The following NUDT17 variants were observed in gnomAD, a reference collection of about 807,000 sequenced individuals.
The protein encoded by NUDT17 is m7GpppN-mRNA hydrolase NUDT17.
Under a neutral mutation model 38.6 loss-of-function variants are expected in NUDT17, and 38 were observed. The ratio of observed to expected loss-of-function variants is 0.98; its 90% CI spans 0.76 to 1.29. The LOEUF (loss-of-function observed/expected upper bound fraction) is 1.29. Among genes scored for constraint, NUDT17 ranks in the 50% most tolerant of loss-of-function variants. NUDT17 has a pLI of 0.00. For synonymous variants in NUDT17, 192 were observed against 167.8 expected, an observed-to-expected ratio of 1.14 and a Z score of -1.11; for missense variants, 462 against 415.2, an observed-to-expected ratio of 1.11 and a Z score of -0.98.
At position 145,848,384 on chromosome 1, in the gene NUDT17, C is replaced by G. The variant is rs1652815862; in HGVS notation, c.892C>G (p.Pro298Ala). Residue 298 changes from proline to alanine, a missense_variant, in exon 8 of 8, where the codon CCA becomes GCA. Pro to Ala is a conservative substitution (Grantham distance 27, BLOSUM62 -1). Transcript: ENST00000334513. ...LWLQHLGRTP[P>A]PCKSAAYLDP... ...CTTGGAATTCCTCCACAGAACACCC[C>G]CACCGTGTAAAAGTGCAGCTTACCT... The G allele has an allele frequency of 3.1e-6, 5 of 1,612,820 alleles. No individual in the cohort carries two copies. Among genetic ancestry groups the G allele is most frequent in the African/African-American group, 1.3e-5 (1 of 74,858 alleles).
In NUDT17 at chr1:145,848,162, T is replaced by G; in HGVS notation, c.782T>G (p.Met261Arg). 2 of 1,614,202 alleles carry G rather than the reference T, an allele frequency of 1.2e-6. No homozygotes were observed. Among genetic ancestry groups the G allele is most frequent in the East Asian group, 4.5e-5 (2 of 44,890 alleles). ...DGRARPLVLH[M>R]STLLRMIPTM... is the part of the protein sequence containing the mutation. ...AGAGCCCGACCTCTGGTCCTGCACA[T>G]GTCCACCCTCCTGCGGATGATCCCA... Residue 261 changes from methionine (M) to arginine (R), a missense_variant, in exon 7 of 8, where the codon ATG becomes AGG. Coordinates refer to ENST00000334513, the MANE Select transcript of NUDT17 (RefSeq NM_001012758.3).
Position 145,848,231 on chromosome 1 carries a change from T to G in NUDT17, c.851T>G (p.Phe284Cys). 1 of 1,614,206 alleles carries G rather than the reference T, an allele frequency of 6.2e-7. No individual in the cohort carries two copies. Among genetic ancestry groups the G allele is most frequent in the Non-Finnish European group, 8.5e-7 (1 of 1,180,036 alleles). The change falls in exon 7 of 8, where the codon TTT (phenylalanine) becomes TGT (cysteine). Residue 284 changes from phenylalanine (F) to cysteine (C), a missense_variant. By Grantham distance (205) the Phe-to-Cys change is radical. Coordinates refer to ENST00000334513, the MANE Select transcript of NUDT17 (RefSeq NM_001012758.3). ...GAGAGAGTCAGCACTGGAACCAAGT[T>G]TGCCCTCAAGCTCTGGCTGCAACAT... ...DKERVSTGTKFALKLWLQHLG... is the reference protein window; with the variant it reads ...DKERVSTGTKCALKLWLQHLG...
rs1553732896 is a variant in NUDT17 at position 145,847,553 on chromosome 1, T to C, written c.595-30T>C. On this transcript the variant is annotated intron_variant, in intron 5 of 7. Coordinates refer to ENST00000334513, the MANE Select transcript of NUDT17 (RefSeq NM_001012758.3). ...GAACAGGCAGCCCAGGGAGAGGCAA[T>C]GACTGAGGGGTCACCATGTCTGACC... 5 of 1,610,434 alleles carry C rather than the reference T, an allele frequency of 3.1e-6. No individual in the cohort carries two copies. In the Admixed American group the frequency reaches 8.3e-5, roughly 27 times the overall value.
rs587710326 is a variant in NUDT17, at chr1:145,846,606, C to T, written c.411C>T (p.Asp137=). The T allele has an allele frequency of 6.9e-5, 112 of 1,614,020 alleles. No homozygotes were observed. The Admixed American group carries it at 1.6e-3, about 23-fold the overall frequency. Residue 137 remains aspartate, a synonymous_variant, in exon 4 of 8, where the codon GAC becomes GAT. Coordinates refer to ENST00000334513, the MANE Select transcript of NUDT17 (RefSeq NM_001012758.3). ...TCTTCTCTGACTCCCAGCTGCTGGA[C>T]GGAGGGCTTCGAGAACTTTGGGAGG... ...GHVELEEELL[D]GGLRELWEES... is the part of the protein sequence containing the mutation.
intron 6 of NUDT17, among the ~76,000 whole-genome samples, 161 bp downstream of exon 6, chr1:145,847,880 G>A (rs782094572): frequency 1.3e-5 from 2 of 152,134 alleles, no homozygotes; most frequent in Admixed American, 6.5e-5. Flanking sequence ...CTAAGACACT[G>A]ACCATCAAAC....
chr1:145,847,791 G>A (rs1652780349), intron 6 of NUDT17, 72 bp downstream of exon 6: 5 of 1,512,646 alleles, frequency 3.3e-6, no homozygotes, highest in Middle Eastern at 3.5e-4. Flanking sequence ...CGTCTATCCT[G>A]TCCTCAGGAT....
rs1652751954 is a variant in NUDT17 at position 145,847,360 on chromosome 1, A to G, written c.594+12A>G. 1.5e-6 allele frequency: 2 copies of G among 1,371,472 alleles called. No homozygotes were observed. 85.0% of individuals were successfully genotyped at this position (1,371,472 alleles called of 1,614,324 possible). ...AGCAGCAGTTGCAGGTAGGGCTGGC[A>G]GTGAGGGAAGGAAACAGGGCTCAGG... On this transcript the variant is annotated intron_variant, in intron 5 of 7. Coordinates refer to ENST00000334513, the MANE Select transcript of NUDT17 (RefSeq NM_001012758.3).
chr1:145,848,553 C>T lies in NUDT17; in HGVS notation c.*74C>T. On this transcript the variant is annotated 3_prime_UTR_variant, in exon 8 of 8. Transcript: ENST00000334513. ...TCACAACCTTTATTATGGGTGAGAG[C>T]TTCACTACAACTTTAGAAATAAAAA... 1.0e-6 allele frequency: 1 copy of T among 1,004,740 alleles called. No homozygotes were observed. Among genetic ancestry groups the T allele is most frequent in the East Asian group, 2.4e-5 (1 of 41,896 alleles). The allele number at this position is 1,004,740 out of a possible 1,614,324, so 62.2% of individuals were successfully genotyped here.
Position 145,846,193 on chromosome 1 carries a change from C to T in NUDT17, c.373C>T (p.Pro125Ser). 6.3e-7 allele frequency: 1 copy of T among 1,583,544 alleles called. No homozygotes were observed. The highest frequency in any genetic ancestry group is 1.1e-5 in the South Asian group (1 of 86,998). The stretch of plus-strand genomic sequence containing the variant: ...CGTTTCCCCCAACCTCTGGGTACCC[C>T]CGGGTGAGTATTCTGGGGACAAGGC... ...LSVSPNLWVP[P>S]GGHVELEEEL... Residue 125 changes from proline to serine, a missense_variant, in exon 2 of 8, where the codon CCG (proline) becomes TCG (serine). Physicochemically the swap from Pro to Ser is moderately conservative, Grantham distance 74 (BLOSUM62 -1). Coordinates refer to ENST00000334513, the MANE Select transcript of NUDT17 (RefSeq NM_001012758.3).
At chr1:145,847,865 GA>G in intron 6 of NUDT17, 146 bp downstream of exon 6, 1 of 887,554 alleles carries the variant, frequency 1.1e-6, no homozygotes, top group South Asian at 1.7e-5. Flanking sequence ...GAAGGTACAT[GA>G]AATCTAAGAC....
In NUDT17 at chr1:145,847,716, TC is replaced by T; in HGVS notation, c.730del (p.Ala245GlnfsTer4). 6.2e-7 allele frequency: 1 copy of T among 1,614,122 alleles called. No homozygotes were observed. The highest frequency in any genetic ancestry group is 8.5e-7 in the Non-Finnish European group (1 of 1,179,982). On this transcript the variant is annotated frameshift_variant and splice_region_variant, in exon 6 of 8. Coordinates refer to ENST00000334513, the MANE Select transcript of NUDT17 (RefSeq NM_001012758.3). LOFTEE classifies it high-confidence loss of function. ...CTCCCCCAGGACCTACCACCCTCTG[TC>T]CTGTAAGTAAGAGCTTCTCCCTCAG... ...GLLPQDLPPS[V>X]LAVELEEDGR...
intron 6 of NUDT17, 108 bp from the exon 7 acceptor site, chr1:145,848,004 A>G: frequency 2.3e-6 from 3 of 1,333,094 alleles, no homozygotes; most frequent in Non-Finnish European, 3.2e-6. Flanking sequence ...AATGAGGTCA[A>G]CACCCACCCA....
Position 145,845,777 on chromosome 1 carries a change from G to A in NUDT17, c.137G>A (p.Arg46Gln), listed in dbSNP as rs1441959361. ...ATTCACTGCAGCTTGAAGCGAGGAC[G>A]GCTTGTCCTCTCGAGCAGGCCCTTC... ...WPIHCSLKRG[R>Q]LVLSSRPFPG... The change falls in exon 1 of 8, where the codon CGG becomes CAG. Residue 46 changes from arginine to glutamine, a missense_variant. Arg to Gln is a conservative substitution (Grantham distance 43). Transcript: ENST00000334513. 7.5e-6 allele frequency: 12 copies of A among 1,590,968 alleles called. No individual in the cohort carries two copies. Among genetic ancestry groups the A allele is most frequent in the African/African-American group, 6.7e-5 (5 of 74,568 alleles).
Position 145,848,707 on chromosome 1 carries a change from C to T in NUDT17, c.*228C>T. ...CAGGCCTAACTACAGGGCCATGAGCCTCTAGAAGCTTAGGGGGGAATAAGA... is the reference window on the plus strand; with the variant it reads ...CAGGCCTAACTACAGGGCCATGAGCTTCTAGAAGCTTAGGGGGGAATAAGA... On this transcript the variant is annotated 3_prime_UTR_variant, in exon 8 of 8. Coordinates refer to ENST00000334513, the MANE Select transcript of NUDT17 (RefSeq NM_001012758.3). The T allele has an allele frequency of 2.0e-6, 1 of 500,752 alleles. No homozygotes were observed. The highest frequency in any genetic ancestry group is 3.4e-5 in the East Asian group (1 of 29,690). 31.0% of individuals were successfully genotyped at this position (500,752 alleles called of 1,614,324 possible). A position where few individuals can be genotyped will look rare whatever the true frequency, so the allele number is the denominator to read the frequency against.
chr1:145,846,224 G>A, intron 2 of NUDT17, 28 bp downstream of exon 2: 2 of 1,556,888 alleles, frequency 1.3e-6, no homozygotes, highest in Non-Finnish European at 1.7e-6. Context: ...AAGGCCCCAA[G>A]TACAGAGAAG....
chr1:145,846,634 A>C lies in NUDT17; in HGVS notation c.439A>C (p.Ser147Arg). ...AGGGCTTCGAGAACTTTGGGAGGAG[A>C]GTGGACTACACCTGCCCCAGGGCCA... ...DGGLRELWEE[S>R]GLHLPQGQFS... The change falls in exon 4 of 8, where the codon AGT becomes CGT. Residue 147 changes from serine (S) to arginine (R), a missense_variant. Ser to Arg is a moderately radical substitution (Grantham distance 110). Coordinates refer to ENST00000334513, the MANE Select transcript of NUDT17 (RefSeq NM_001012758.3). 1 of 1,614,074 alleles carries C rather than the reference A, an allele frequency of 6.2e-7. No individual in the cohort carries two copies. The highest frequency in any genetic ancestry group is 8.5e-7 in the Non-Finnish European group (1 of 1,179,946).
At chr1:145,845,859 G>T in intron 1 of NUDT17, 27 bp downstream of exon 1, 1 of 1,554,890 alleles carries the variant, frequency 6.4e-7, no homozygotes, top group East Asian at 2.4e-5. Flanking sequence ...CCCAGAGCGG[G>T]GGCAGTGAAG....
rs1553732332 is a variant in NUDT17 at position 145,846,063 on chromosome 1, TGGGG to T, written c.244_247del (p.Gly82LeufsTer26). 6.2e-7 allele frequency: 1 copy of T among 1,605,412 alleles called. No homozygotes were observed. Among genetic ancestry groups the T allele is most frequent in the Non-Finnish European group, 8.5e-7 (1 of 1,176,694 alleles). ...CCCTGGAGGAGCGGCCCAGGGTCCC[TGGGG>T]CTGAGCTGCCCACAGATCGAGGTGT... On this transcript the variant is annotated frameshift_variant, in exon 2 of 8. Transcript: ENST00000334513. LOFTEE classifies it high-confidence loss of function.
intron 1 of NUDT17, 54 bp downstream of exon 1, chr1:145,845,886 T>A: frequency 6.5e-7 from 1 of 1,537,474 alleles, no homozygotes; most frequent in Non-Finnish European, 8.8e-7. Context: ...AGATGGGGAC[T>A]GAAATCGGGT....
Sources: gnomAD v4.1 joint callset for allele counts (sites outside exome capture counted in the v4.1 genomes callset) on GRCh38, gnomAD v4.1.1 for gene constraint, MANE v1.5 for transcripts, NCBI Gene and HGNC (gene_info 2026-07-23, HGNC 2026-07-21) for gene names.